Variants in MAPK10 observed in about 807,000 individuals in gnomAD.
MAPK10 encodes the protein mitogen-activated protein kinase 10.
A neutral mutation model predicts 59.3 loss-of-function variants in MAPK10; 25 were observed. The ratio of observed to expected loss-of-function variants is 0.42; its 90% CI spans 0.31 to 0.59. The LOEUF is 0.59. Among genes scored for constraint, MAPK10 ranks in the 20% least tolerant of loss-of-function variants. The pLI is 0.15. For missense variants in MAPK10, 351 were observed against 568.9 expected (o/e 0.62, Z 3.90); for synonymous variants, 190 against 200.5 (o/e 0.95, Z 0.44).
chr4:86,431,178 A>C (rs1371464627), intron 1 of MAPK10, among the ~76,000 whole-genome samples: 3 of 152,200 alleles, frequency 2.0e-5, no homozygotes, highest in African/African-American at 7.2e-5. Flanking sequence ...AATTAAGAAA[A>C]AATATTTTAC....
chr4:86,073,316 C>G (rs1397401922), intron 9 of MAPK10, among the ~76,000 whole-genome samples: 2 of 151,284 alleles, frequency 1.3e-5, no homozygotes, highest in Non-Finnish European at 3.0e-5. Flanking sequence ...AGCGGTCTAT[C>G]AATTTTGTTG....
At chr4:86,592,999 G>A (rs925304962) in intron 1 of MAPK10, among the ~76,000 whole-genome samples, 3 of 152,170 alleles carry the variant, frequency 2.0e-5, no homozygotes, top group African/African-American at 7.2e-5. Context: ...ATCCTGCTGT[G>A]TATTTTCCGT....
intron 2 of MAPK10, among the ~76,000 whole-genome samples, chr4:86,297,358 G>A (rs886225204): frequency 1.3e-5 from 2 of 152,122 alleles, no homozygotes; most frequent in African/African-American, 2.4e-5. Flanking sequence ...TGCCCAGGCT[G>A]GAGTGCAGTG....
chr4:86,438,106 G>A (rs985786385), intron 1 of MAPK10, among the ~76,000 whole-genome samples: 3 of 152,172 alleles, frequency 2.0e-5, no homozygotes, highest in African/African-American at 7.2e-5. Flanking sequence ...GTCACTGATA[G>A]AGGGCATAAA....
chr4:86,076,841 TAGA>T (rs2049593310), intron 9 of MAPK10, among the ~76,000 whole-genome samples: 1 of 152,210 alleles, frequency 6.6e-6, no homozygotes, highest in Non-Finnish European at 1.5e-5. Flanking sequence ...CCATTTTTTG[TAGA>T]AGAATTTATT....
rs140836464 is a variant in MAPK10, at chr4:86,440,021, T to G, written c.-122+13009A>C. On this transcript the variant is annotated intron_variant, in intron 1 of 13. Transcript: ENST00000361569. ...TCTCTCCTCAAAATGTAAAGCTGAG[T>G]GGGAATACAAATTTTTCTTCTGAAA... 2.0e-5 allele frequency among the ~76,000 whole-genome samples: 3 copies of G among 152,068 alleles called. No homozygotes were observed. The South Asian group carries it at 6.3e-4, about 32-fold the overall frequency.
At chr4:86,024,312 G>A (rs1019408911) in intron 13 of MAPK10, 2 of 152,090 alleles carry the variant, frequency 1.3e-5, no homozygotes, top group Non-Finnish European at 2.9e-5. Flanking sequence ...AAATAATATT[G>A]AATGTATGTA....
At chr4:86,414,441 A>G (rs1261396687) in intron 1 of MAPK10, among the ~76,000 whole-genome samples, 2 of 152,170 alleles carry the variant, frequency 1.3e-5, no homozygotes, top group Admixed American at 6.5e-5. Flanking sequence ...CTGGCACACC[A>G]ATCTCTACTT....
At position 86,236,714 on chromosome 4, in the gene MAPK10, C is replaced by T. The variant is rs138189813; in HGVS notation, c.-6-42307G>A. On this transcript the variant is annotated intron_variant, in intron 2 of 13. Coordinates refer to ENST00000641462, the MANE Select transcript of MAPK10 (RefSeq NM_138982.4). ...AACAAATAGTTTGGAGATGGAAACG[C>T]AGGTCCTGGTTGAAGAGGGACTTAG... is the stretch of plus-strand genomic sequence containing the variant. 1.3e-3 allele frequency among the ~76,000 whole-genome samples: 204 copies of T among 152,170 alleles called. 1 individual carries two copies. Among genetic ancestry groups the T allele is most frequent in the Admixed American group, 0.011 (171 of 15,282 alleles).
chr4:86,559,535 T>C (rs1257548742), intron 1 of MAPK10, among the ~76,000 whole-genome samples: 2 of 152,170 alleles, frequency 1.3e-5, no homozygotes, highest in East Asian at 3.8e-4. Context: ...TTGTATAAAA[T>C]GCAATGCAAA....
intron 2 of MAPK10, among the ~76,000 whole-genome samples, chr4:86,312,772 C>T (rs1049672355): frequency 2.0e-5 from 3 of 151,990 alleles, no homozygotes; most frequent in African/African-American, 2.4e-5. Context: ...ACAGTCCGAC[C>T]AGACAGGAAA....
intron 1 of MAPK10, among the ~76,000 whole-genome samples, chr4:86,369,097 T>C (rs1437422769): frequency 6.6e-6 from 1 of 152,184 alleles, no homozygotes; most frequent in Non-Finnish European, 1.5e-5. Context: ...GAAGATACCA[T>C]GGACTACATT....
intron 3 of MAPK10, among the ~76,000 whole-genome samples, chr4:86,161,770 G>C (rs533047916): frequency 6.6e-5 from 10 of 152,114 alleles, no homozygotes; most frequent in Admixed American, 5.9e-4. Context: ...TTTCTCAACT[G>C]TATTGCATGT....
intron 3 of MAPK10, among the ~76,000 whole-genome samples, chr4:86,166,290 G>A (rs557550043): frequency 7.9e-5 from 12 of 152,242 alleles, no homozygotes; most frequent in African/African-American, 2.6e-4. Flanking sequence ...TGAGCCCTTG[G>A]GCAAGTTCTT....
chr4:86,532,956 T>C (rs1375831422), intron 1 of MAPK10, among the ~76,000 whole-genome samples: 2 of 152,180 alleles, frequency 1.3e-5, no homozygotes, highest in East Asian at 3.8e-4. Flanking sequence ...CTACCTCTAC[T>C]AATGACTTTG....
intron 1 of MAPK10, among the ~76,000 whole-genome samples, chr4:86,461,569 G>A (rs1751751142): frequency 6.6e-6 from 1 of 152,162 alleles, no homozygotes; most frequent in Non-Finnish European, 1.5e-5. Context: ...GTAACAATGG[G>A]ACAACTGTGG....
intron 2 of MAPK10, among the ~76,000 whole-genome samples, chr4:86,321,142 G>A (rs2095880363): frequency 6.6e-6 from 1 of 151,936 alleles, no homozygotes. Context: ...TGGTGGGACT[G>A]TAAACTAGTT....
intron 6 of MAPK10, 79 bp downstream of exon 6, chr4:86,103,107 G>GTGTGTA: frequency 1.2e-6 from 1 of 802,058 alleles, no homozygotes; most frequent in Non-Finnish European, 2.2e-6. Flanking sequence ...GTGTGTGTGT[G>GTGTGTA]TGTGTGTGTG....
chr4:86,379,182 T>A (rs17011847), intron 1 of MAPK10, among the ~76,000 whole-genome samples: 3,804 of 152,260 alleles, frequency 0.025, 170 homozygotes, highest in African/African-American at 0.086. Flanking sequence ...GCCCAACGAA[T>A]CCTCCTTAAG....
Sources: gnomAD v4.1 joint callset for allele counts (sites outside exome capture counted in the v4.1 genomes callset) on GRCh38, gnomAD v4.1.1 for gene constraint, MANE v1.5 for transcripts, NCBI Gene and HGNC (gene_info 2026-07-23, HGNC 2026-07-21) for gene names.